Variants in DRAXIN observed in about 807,000 individuals in gnomAD.
The protein encoded by DRAXIN is dorsal repulsive axon guidance protein.
In DRAXIN, 27 loss-of-function variants were observed where a neutral mutation model predicts 33.9. That is an observed-to-expected ratio of 0.80 (90% confidence interval 0.59 to 1.10). The LOEUF (loss-of-function observed/expected upper bound fraction) is 1.10, where lower values mean the gene tolerates loss of function less well. DRAXIN is among the 50% of genes least tolerant of loss of function. The pLI, the probability that DRAXIN is intolerant of heterozygous loss-of-function variation, is 0.00. For missense variants in DRAXIN, 371 were observed against 460.8 expected (o/e 0.81, Z 1.78); for synonymous variants, 178 against 194.0 (o/e 0.92, Z 0.69).
Position 11,696,601 on chromosome 1 carries a change from A to G in DRAXIN, c.-11+4748A>G, listed in dbSNP as rs1322027180. ...AAATCTGTCTCAAAAAAACCAAAAC[A>G]AAAAACACTTTGGGAGGCCAAAGCG... On this transcript the variant is annotated intron_variant, in intron 1 of 6. Coordinates refer to ENST00000294485, the MANE Select transcript of DRAXIN (RefSeq NM_198545.4). This position sits in a 1 kb window ranked among gnomAD's most constrained non-coding sequence, Gnocchi z 4.7. 6.6e-6 allele frequency among the ~76,000 whole-genome samples: 1 copy of G among 151,764 alleles called. No homozygotes were observed. The highest frequency in any genetic ancestry group is 1.5e-5 in the Non-Finnish European group (1 of 67,920).
In DRAXIN at chr1:11,703,933, G is replaced by A. The variant is rs535202256; in HGVS notation, c.-10-2316G>A. ...TTCGGGGTGTTGGAGTGGGGCAGGAGTGGGAGTTCATCTCCTGGCTCTGCA... is the reference window on the plus strand; with the variant it reads ...TTCGGGGTGTTGGAGTGGGGCAGGAATGGGAGTTCATCTCCTGGCTCTGCA... On this transcript the variant is annotated intron_variant, in intron 1 of 6. Transcript: ENST00000294485. Among the ~76,000 whole-genome samples the A allele has an allele frequency of 4.6e-5, 7 of 152,268 alleles. No homozygotes were observed. In the East Asian group the frequency reaches 1.4e-3, roughly 29 times the overall value.
intron 3 of DRAXIN, 130 bp downstream of exon 3, chr1:11,709,595 C>A: frequency 8.8e-7 from 1 of 1,134,572 alleles, no homozygotes. Flanking sequence ...AGATTGAAAC[C>A]AGATCTCCTG....
Position 11,725,589 on chromosome 1 carries a change from A to T in DRAXIN, c.*5893A>T, listed in dbSNP as rs1641734348. Reference sequence around the variant, plus strand: ...CGAGACCTGTTTTGCGTAGCTAATTACCAGCAATGACAAACTCCCAGGCTC... The same window carrying T: ...CGAGACCTGTTTTGCGTAGCTAATTTCCAGCAATGACAAACTCCCAGGCTC... On this transcript the variant is annotated 3_prime_UTR_variant, in exon 7 of 7. Coordinates refer to ENST00000294485, the MANE Select transcript of DRAXIN (RefSeq NM_198545.4). 1 of 152,228 alleles carries T rather than the reference A, an allele frequency of 6.6e-6. No individual in the cohort carries two copies. Among genetic ancestry groups the T allele is most frequent in the South Asian group, 2.1e-4 (1 of 4,832 alleles). 9.4% of individuals were successfully genotyped at this position (152,228 alleles called of 1,614,324 possible).
intron 3 of DRAXIN, among the ~76,000 whole-genome samples, chr1:11,710,982 TA>T (rs929338539): frequency 6.7e-6 from 1 of 148,256 alleles, no homozygotes; most frequent in Non-Finnish European, 1.5e-5. Flanking sequence ...TATATATGTA[TA>T]AAAAATACAT....
In DRAXIN at chr1:11,723,289, T is replaced by G. The variant is rs1641682880; in HGVS notation, c.*3593T>G. The G allele has an allele frequency of 6.6e-6, 1 of 152,232 alleles. No individual in the cohort carries two copies. Among genetic ancestry groups the G allele is most frequent in the South Asian group, 2.1e-4 (1 of 4,830 alleles). 9.4% of individuals were successfully genotyped at this position (152,232 alleles called of 1,614,324 possible). On this transcript the variant is annotated 3_prime_UTR_variant, in exon 7 of 7. Coordinates refer to ENST00000294485, the MANE Select transcript of DRAXIN (RefSeq NM_198545.4). ...CTCACTCTCAACGCTGGCTGCACGTTGCAATAATCCAGGAACATTCACAGG... is the reference window on the plus strand; with the variant it reads ...CTCACTCTCAACGCTGGCTGCACGTGGCAATAATCCAGGAACATTCACAGG...
rs572530515 is a variant in DRAXIN, at chr1:11,708,371, G to A, written c.452-904G>A. ...TCACACCTGTAATCCCAGCACTTTG[G>A]GAGGCTGGGCAGGCAGATCACTTGA... On this transcript the variant is annotated intron_variant, in intron 2 of 6. Transcript: ENST00000294485. Among the ~76,000 whole-genome samples, 341 of 152,352 alleles carry A rather than the reference G, an allele frequency of 2.2e-3. 3 individuals carry two copies. The highest frequency in any genetic ancestry group is 7.7e-3 in the African/African-American group (321 of 41,584).
At position 11,725,487 on chromosome 1, in the gene DRAXIN, G is replaced by A. The variant is rs1188835057; in HGVS notation, c.*5791G>A. On this transcript the variant is annotated 3_prime_UTR_variant, in exon 7 of 7. Transcript: ENST00000294485. The stretch of plus-strand genomic sequence containing the variant: ...GAATCACAGGTCTAGGATACGACGG[G>A]GAAAACAGAAATGTGGGGTGGTCAG... 2.0e-5 allele frequency: 3 copies of A among 152,220 alleles called. No individual in the cohort carries two copies. Among genetic ancestry groups the A allele is most frequent in the African/African-American group, 7.2e-5 (3 of 41,434 alleles). The allele number at this position is 152,220 out of a possible 1,614,324, so 9.4% of individuals were successfully genotyped here.
At position 11,709,374 on chromosome 1, in the gene DRAXIN, T is replaced by C; in HGVS notation, c.551T>C (p.Leu184Pro). Residue 184 changes from leucine (L) to proline (P), a missense_variant, in exon 3 of 7, where the codon CTG (leucine) becomes CCG (proline). By Grantham distance (98) the Leu-to-Pro change is moderately conservative (BLOSUM62 -3). Coordinates refer to ENST00000294485, the MANE Select transcript of DRAXIN (RefSeq NM_198545.4). ...GCCATGGAGGAATCCTCCACCAGCC[T>C]GGCGCCCACCATGTTCTTTCTCACC... The part of the protein sequence containing the change: ...DAAMEESSTS[L>P]APTMFFLTTF... The C allele has an allele frequency of 6.2e-7, 1 of 1,613,988 alleles. No homozygotes were observed. The highest frequency in any genetic ancestry group is 8.5e-7 in the Non-Finnish European group (1 of 1,179,966).
intron 6 of DRAXIN, among the ~76,000 whole-genome samples, chr1:11,718,205 A>G (rs1351353570): frequency 6.7e-6 from 1 of 149,268 alleles, no homozygotes; most frequent in African/African-American, 2.5e-5. Context: ...AATCCCAGCT[A>G]CTCGAGAGGC....
intron 3 of DRAXIN, among the ~76,000 whole-genome samples, chr1:11,710,162 G>A (rs1171141971): frequency 1.3e-5 from 2 of 148,220 alleles, no homozygotes; most frequent in African/African-American, 5.0e-5. Flanking sequence ...ACCAGCCCGG[G>A]TGACAGTGTG....
In DRAXIN at chr1:11,719,824, C is replaced by A; in HGVS notation, c.*128C>A. 2 of 888,248 alleles carry A rather than the reference C, an allele frequency of 2.3e-6. No homozygotes were observed. Among genetic ancestry groups the A allele is most frequent in the Non-Finnish European group, 1.8e-6 (1 of 565,164 alleles). 55.0% of individuals were successfully genotyped at this position (888,248 alleles called of 1,614,324 possible). ...GCTGCAGACTCAGGCCCAGGACACTCAACCCCAGGAGGGGAGCCGCTCGGC... is the reference window on the plus strand; with the variant it reads ...GCTGCAGACTCAGGCCCAGGACACTAAACCCCAGGAGGGGAGCCGCTCGGC... On this transcript the variant is annotated 3_prime_UTR_variant, in exon 7 of 7. Coordinates refer to ENST00000294485, the MANE Select transcript of DRAXIN (RefSeq NM_198545.4).
At chr1:11,715,069 G>A (rs1641554667) in intron 5 of DRAXIN, 50 bp from the exon 6 acceptor site, 2 of 1,601,318 alleles carry the variant, frequency 1.2e-6, no homozygotes, top group Non-Finnish European at 1.7e-6. Flanking sequence ...CAGGGCTGCG[G>A]GGAGGGGCGG....
Position 11,696,478 on chromosome 1 carries a change from C to T in DRAXIN, c.-11+4625C>T, listed in dbSNP as rs958278884. Among the ~76,000 whole-genome samples the T allele has an allele frequency of 1.3e-5, 2 of 151,900 alleles. No homozygotes were observed. The highest frequency in any genetic ancestry group is 1.9e-4 in the East Asian group (1 of 5,184). The stretch of plus-strand genomic sequence containing the variant: ...GTGGGAGCCTGTAATCCCAGTTACT[C>T]GGAAGGCTGAGGCAGGAGAATCGCT... On this transcript the variant is annotated intron_variant, in intron 1 of 6. Transcript: ENST00000294485. The surrounding 1 kb of genome is among the most constrained non-coding windows in gnomAD (Gnocchi z 4.7).
intron 1 of DRAXIN, among the ~76,000 whole-genome samples, chr1:11,702,280 CAT>C (rs1641303690): frequency 6.7e-6 from 1 of 149,772 alleles, no homozygotes; most frequent in African/African-American, 2.5e-5. Context: ...CATACCCATA[CAT>C]ATTCACACTC....
intron 1 of DRAXIN, among the ~76,000 whole-genome samples, chr1:11,702,640 AC>A (rs759948850): frequency 9.9e-5 from 15 of 151,822 alleles, no homozygotes; most frequent in Non-Finnish European, 1.8e-4. Context: ...ACATGCTCAC[AC>A]ATGCTCCACA....
chr1:11,719,789 G>A lies in DRAXIN; in HGVS notation c.*93G>A. 1 of 1,145,280 alleles carries A rather than the reference G, an allele frequency of 8.7e-7. No homozygotes were observed. The allele number at this position is 1,145,280 out of a possible 1,614,324, so 70.9% of individuals were successfully genotyped here. On this transcript the variant is annotated 3_prime_UTR_variant, in exon 7 of 7. Transcript: ENST00000294485. Reference sequence around the variant, plus strand: ...CAGTGGGAGATCAAGTTGGGGAACAGATGGCTGAGGCTGCAGACTCAGGCC... The same window carrying A: ...CAGTGGGAGATCAAGTTGGGGAACAAATGGCTGAGGCTGCAGACTCAGGCC...
At chr1:11,699,998 G>A (rs1289091316) in intron 1 of DRAXIN, among the ~76,000 whole-genome samples, 1 of 151,196 alleles carries the variant, frequency 6.6e-6, no homozygotes, top group East Asian at 1.9e-4. Flanking sequence ...CAGCACTTTG[G>A]GAGGCCAAGG....
intron 2 of DRAXIN, among the ~76,000 whole-genome samples, chr1:11,707,864 G>A (rs953082612): frequency 8.5e-5 from 13 of 152,212 alleles, no homozygotes; most frequent in African/African-American, 3.1e-4. Context: ...GCCTTGCCTG[G>A]CCCTAAGCCA....
intron 6 of DRAXIN, among the ~76,000 whole-genome samples, chr1:11,716,519 T>C (rs1160595647): frequency 2.0e-5 from 3 of 152,256 alleles, no homozygotes; most frequent in Non-Finnish European, 2.9e-5. Flanking sequence ...GGACCTGAGA[T>C]ACATGCCCCG....
Sources: gnomAD v4.1 joint callset for allele counts (sites outside exome capture counted in the v4.1 genomes callset) on GRCh38, gnomAD v4.1.1 for gene constraint, Gnocchi (gnomAD v3.1) non-coding constraint, MANE v1.5 for transcripts, NCBI Gene and HGNC (gene_info 2026-07-23, HGNC 2026-07-21) for gene names.